Variants in SDK1 observed in about 807,000 individuals in gnomAD.
SDK1 encodes protein sidekick-1.
Under a neutral mutation model 245.5 loss-of-function variants are expected in SDK1, and 157 were observed. The observed-to-expected ratio is 0.64, with a 90% confidence interval of 0.56 to 0.73. SDK1 has a LOEUF of 0.73. SDK1 is among the 30% of genes least tolerant of loss of function. The probability of loss-of-function intolerance (pLI) is 0.00; values close to 1 mark genes in which losing one functional copy is unlikely to be tolerated. For synonymous variants in SDK1, 1,647 were observed against 1,278.5 expected, an observed-to-expected ratio of 1.29 and a Z score of -6.15; for missense variants, 3,583 against 3,002.3, an observed-to-expected ratio of 1.19 and a Z score of -4.52.
intron 4 of SDK1, among the ~76,000 whole-genome samples, chr7:3,796,526 C>T (rs542024107): frequency 1.3e-5 from 2 of 152,016 alleles, no homozygotes; most frequent in East Asian, 1.9e-4. Flanking sequence ...CTCTCCCCCC[C>T]AGCCTACAAT....
chr7:3,753,689 A>G (rs1255251423), intron 4 of SDK1, among the ~76,000 whole-genome samples: 4 of 152,186 alleles, frequency 2.6e-5, no homozygotes, highest in East Asian at 1.9e-4. Context: ...GTGTCTGACT[A>G]TAGTGGGATT....
chr7:4,019,219 T>A (rs1786671302), intron 17 of SDK1, among the ~76,000 whole-genome samples: 1 of 152,164 alleles, frequency 6.6e-6, no homozygotes, highest in East Asian at 1.9e-4. Context: ...CAAGTTTCAT[T>A]TTCAGACACC....
intron 5 of SDK1, among the ~76,000 whole-genome samples, chr7:3,826,640 G>A (rs1779783095): frequency 6.6e-6 from 1 of 152,250 alleles, no homozygotes; most frequent in Non-Finnish European, 1.5e-5. Flanking sequence ...CCGGGCAAAG[G>A]TGAAACTGCA....
intron 1 of SDK1, among the ~76,000 whole-genome samples, chr7:3,580,968 C>CAAAAAAAAAAAAA (rs60617574): frequency 2.4e-4 from 6 of 24,884 alleles, no homozygotes; most frequent in Non-Finnish European, 2.6e-4. Context: ...GACTCCATCT[C>CAAAAAAAAAAAAA]AAAAAAAAAA....
intron 17 of SDK1, among the ~76,000 whole-genome samples, chr7:4,032,498 A>G (rs1359556912): frequency 6.6e-6 from 1 of 152,202 alleles, no homozygotes; most frequent in Admixed American, 6.5e-5. Flanking sequence ...CATTTGCCAC[A>G]GCTGTAGACA....
chr7:3,827,982 C>T (rs1779819578), intron 5 of SDK1, among the ~76,000 whole-genome samples: 1 of 152,160 alleles, frequency 6.6e-6, no homozygotes, highest in Non-Finnish European at 1.5e-5. Flanking sequence ...CTAACTAATA[C>T]ATTACTATAT....
intron 19 of SDK1, among the ~76,000 whole-genome samples, chr7:4,067,029 G>A (rs1779952226): frequency 6.6e-6 from 1 of 152,188 alleles, no homozygotes. Context: ...GATGATCATG[G>A]AACATTTTCA....
At chr7:3,375,179 GCAA>G (rs1781323188) in intron 1 of SDK1, among the ~76,000 whole-genome samples, 2 of 90,216 alleles carry the variant, frequency 2.2e-5, no homozygotes, top group South Asian at 1.1e-3. Flanking sequence ...AAGTTAATTT[GCAA>G]AAAAAAAAAA....
chr7:4,072,087 C>G (rs1011410804), intron 20 of SDK1, among the ~76,000 whole-genome samples: 1 of 152,234 alleles, frequency 6.6e-6, no homozygotes, highest in Non-Finnish European at 1.5e-5. Context: ...GTCTGTTTCA[C>G]CAGCTAATGG....
intron 1 of SDK1, among the ~76,000 whole-genome samples, chr7:3,366,471 A>G (rs924218923): frequency 1.3e-5 from 2 of 151,846 alleles, no homozygotes; most frequent in South Asian, 2.1e-4. Flanking sequence ...GTGTACTTTT[A>G]TTAGATCCTG....
At chr7:3,433,249 A>G (rs1779920405) in intron 1 of SDK1, among the ~76,000 whole-genome samples, 1 of 152,228 alleles carries the variant, frequency 6.6e-6, no homozygotes, top group Non-Finnish European at 1.5e-5. Context: ...AGTTTCAACC[A>G]GCTTCAAGTG....
chr7:4,221,176 CGGGGTGGGATGTGAGCCCCGCAGGGCT>C, intron 39 of SDK1, 36 bp from the exon 40 acceptor site: 1 of 1,591,808 alleles, frequency 6.3e-7, no homozygotes, highest in Non-Finnish European at 8.5e-7. Flanking sequence ...TGAAATCTCA[CGGGGTGGGATGTGAGCCCCGCAGGGCT>C]GATGCCTCAC....
intron 4 of SDK1, among the ~76,000 whole-genome samples, chr7:3,759,584 C>CATTATT (rs4039584): frequency 0.028 from 4,053 of 145,854 alleles, 65 homozygotes; most frequent in Admixed American, 0.049. Flanking sequence ...AAATTTTTTT[C>CATTATT]ATTATTATTA....
chr7:4,245,414 C>G (rs1230135282), intron 43 of SDK1, among the ~76,000 whole-genome samples: 2 of 152,148 alleles, frequency 1.3e-5, no homozygotes, highest in African/African-American at 4.8e-5. Context: ...GTCTCACTGC[C>G]CCTCCTGGCA....
chr7:3,759,442 A>G (rs142906672), intron 4 of SDK1, among the ~76,000 whole-genome samples: 2 of 152,184 alleles, frequency 1.3e-5, no homozygotes, highest in East Asian at 1.9e-4. Flanking sequence ...GCATGACTTT[A>G]AAGTATTAGT....
At chr7:3,511,606 C>T (rs1424656859) in intron 1 of SDK1, among the ~76,000 whole-genome samples, 2 of 152,022 alleles carry the variant, frequency 1.3e-5, no homozygotes, top group African/African-American at 4.8e-5. Context: ...ATCTTTCTAA[C>T]CCTCTAGTTC....
At chr7:3,411,229 C>T (rs1018670350) in intron 1 of SDK1, among the ~76,000 whole-genome samples, 8 of 152,198 alleles carry the variant, frequency 5.3e-5, no homozygotes, top group Admixed American at 2.0e-4. Context: ...TCTGCATTTA[C>T]GGACAAAAGC....
chr7:3,633,464 T>C (rs911451005), intron 2 of SDK1, among the ~76,000 whole-genome samples: 1 of 152,138 alleles, frequency 6.6e-6, no homozygotes, highest in Non-Finnish European at 1.5e-5. Context: ...TAGTATTTTG[T>C]TAGATGTTTT....
rs112182410 is a variant in SDK1 at position 3,735,041 on chromosome 7, C to T, written c.714-86409C>T. Among the ~76,000 whole-genome samples, 583 of 152,096 alleles carry T rather than the reference C, an allele frequency of 3.8e-3. 4 individuals are homozygous for T. Among genetic ancestry groups the T allele is most frequent in the African/African-American group, 0.012 (509 of 41,484 alleles). ...TGTAATTACAGAACGCTCCCTCAAG[C>T]TAGTGGAGAATGTATAATTTGGAAT... On this transcript the variant is annotated intron_variant, in intron 4 of 44. Transcript: ENST00000404826.
Sources: allele counts gnomAD v4.1 joint callset (sites outside exome capture counted in the v4.1 genomes callset), GRCh38; gene constraint gnomAD v4.1.1; transcripts MANE v1.5; gene names NCBI Gene and HGNC (gene_info 2026-07-23, HGNC 2026-07-21).